Variants in SLMAP observed in about 807,000 individuals in gnomAD.
SLMAP encodes sarcolemmal membrane-associated protein.
A neutral mutation model predicts 128.8 loss-of-function variants in SLMAP; 44 were observed. That is an observed-to-expected ratio of 0.34 (90% CI 0.27 to 0.44). The LOEUF is 0.44. Among genes scored for constraint, SLMAP ranks in the 20% least tolerant of loss-of-function variants. The pLI is 1.00. For missense variants in SLMAP, 787 were observed against 985.3 expected (o/e 0.80, Z 2.69); for synonymous variants, 327 against 348.8 (o/e 0.94, Z 0.70).
chr3:57,836,353 A>T (rs1353543865), intron 3 of SLMAP, among the ~76,000 whole-genome samples: 1 of 152,194 alleles, frequency 6.6e-6, no homozygotes, highest in Non-Finnish European at 1.5e-5. Flanking sequence ...ATGTTAAAAA[A>T]TTTCAGAAAA....
chr3:57,899,192 A>G (rs1250647948), intron 17 of SLMAP: 3 of 152,212 alleles, frequency 2.0e-5, no homozygotes, highest in Non-Finnish European at 4.4e-5. Context: ...GATAATCAGG[A>G]AAAAATATTT....
At chr3:57,920,978 C>G (rs367915854) in intron 22 of SLMAP, among the ~76,000 whole-genome samples, 81 of 151,840 alleles carry the variant, frequency 5.3e-4, no homozygotes, top group Non-Finnish European at 9.7e-4. Flanking sequence ...GATCACGCCA[C>G]TGCACTCCAG....
intron 2 of SLMAP, among the ~76,000 whole-genome samples, chr3:57,759,087 A>G (rs2078120494): frequency 6.6e-6 from 1 of 152,188 alleles, no homozygotes; most frequent in African/African-American, 2.4e-5. Flanking sequence ...TTTTTAAAGA[A>G]AGGAGGAAAA....
At chr3:57,853,955 T>TATTATATA (rs1553880925) in intron 6 of SLMAP, among the ~76,000 whole-genome samples, 1 of 31,942 alleles carries the variant, frequency 3.1e-5, no homozygotes, top group Non-Finnish European at 5.2e-5. Flanking sequence ...AAAAAAAAAA[T>TATTATATA]TATATATATA....
chr3:57,825,785 A>G (rs1411081522), intron 2 of SLMAP, among the ~76,000 whole-genome samples: 4 of 152,180 alleles, frequency 2.6e-5, no homozygotes, highest in African/African-American at 9.7e-5. Flanking sequence ...CACGCTGGGA[A>G]TGCAGGCTGA....
chr3:57,903,249 A>G (rs561628162), intron 17 of SLMAP, among the ~76,000 whole-genome samples: 1 of 152,338 alleles, frequency 6.6e-6, no homozygotes, highest in Admixed American at 6.5e-5. Flanking sequence ...GCTATTTGAC[A>G]TGGCCACACG....
At chr3:57,827,945 T>G (rs1055960382) in intron 2 of SLMAP, among the ~76,000 whole-genome samples, 3 of 152,104 alleles carry the variant, frequency 2.0e-5, no homozygotes, top group Admixed American at 6.5e-5. Context: ...TTGCAAACAG[T>G]TTAACATTTA....
intron 3 of SLMAP, among the ~76,000 whole-genome samples, chr3:57,834,939 T>G (rs748566699): frequency 5.9e-5 from 9 of 151,602 alleles, no homozygotes; most frequent in Non-Finnish European, 1.2e-4. Context: ...CTGGGCAACA[T>G]GGTGAAACCC....
intron 2 of SLMAP, among the ~76,000 whole-genome samples, chr3:57,768,401 A>T (rs929367497): frequency 1.1e-4 from 16 of 152,294 alleles, no homozygotes; most frequent in African/African-American, 3.9e-4. Flanking sequence ...TTACTTATAC[A>T]AATAACAGGA....
intron 14 of SLMAP, among the ~76,000 whole-genome samples, chr3:57,883,279 G>C (rs758409878): frequency 1.9e-4 from 29 of 152,184 alleles, no homozygotes; most frequent in Non-Finnish European, 3.5e-4. Flanking sequence ...AGTCCCAGTG[G>C]TATTTCTGGG....
chr3:57,762,892 T>A (rs369743468), intron 2 of SLMAP, among the ~76,000 whole-genome samples: 4 of 151,888 alleles, frequency 2.6e-5, no homozygotes, highest in East Asian at 3.9e-4. Context: ...CCTGGCTAAT[T>A]TTTTGTATTT....
chr3:57,771,650 C>T (rs2080921188), intron 2 of SLMAP, among the ~76,000 whole-genome samples: 1 of 152,162 alleles, frequency 6.6e-6, no homozygotes, highest in Non-Finnish European at 1.5e-5. Context: ...CTTGGCCTCC[C>T]AGACTGCTGG....
At chr3:57,871,521 C>A in intron 13 of SLMAP, 115 bp from the exon 14 acceptor site, 1 of 709,344 alleles carries the variant, frequency 1.4e-6, no homozygotes. Context: ...TATATTAAGC[C>A]TTTATTAGTC....
At chr3:57,841,427 T>C (rs772841560) in intron 4 of SLMAP, 56 bp downstream of exon 4, 46 of 981,308 alleles carry the variant, frequency 4.7e-5, no homozygotes, top group Non-Finnish European at 6.6e-5. Context: ...GTAAAGAATT[T>C]AGTAATAATA....
chr3:57,852,884 A>C (rs1216930246), intron 6 of SLMAP, among the ~76,000 whole-genome samples: 3 of 152,228 alleles, frequency 2.0e-5, no homozygotes, highest in African/African-American at 7.2e-5. Flanking sequence ...CTTTGAGATA[A>C]AATTATACCA....
chr3:57,907,505 T>A (rs1410873215), intron 17 of SLMAP, among the ~76,000 whole-genome samples: 2 of 152,218 alleles, frequency 1.3e-5, no homozygotes, highest in African/African-American at 4.8e-5. Flanking sequence ...CAAGTGAAAT[T>A]TTTCTGACTG....
intron 3 of SLMAP, among the ~76,000 whole-genome samples, chr3:57,832,847 T>C (rs1431227833): frequency 6.6e-6 from 1 of 152,192 alleles, no homozygotes; most frequent in African/African-American, 2.4e-5. Context: ...GGAATTTCCA[T>C]TTACAATTGT....
At chr3:57,763,612 G>A (rs2079103115) in intron 2 of SLMAP, among the ~76,000 whole-genome samples, 1 of 151,976 alleles carries the variant, frequency 6.6e-6, no homozygotes, top group Non-Finnish European at 1.5e-5. Context: ...ATCATGATTT[G>A]TTTTAGTGAA....
chr3:57,890,819 T>C (rs1345522178), intron 15 of SLMAP: 1 of 152,242 alleles, frequency 6.6e-6, no homozygotes, highest in African/African-American at 2.4e-5. Flanking sequence ...CACAGTCCTT[T>C]TGGCCAATTA....
Sources: allele counts gnomAD v4.1 joint callset (sites outside exome capture counted in the v4.1 genomes callset), GRCh38; gene constraint gnomAD v4.1.1; transcripts MANE v1.5; gene names NCBI Gene and HGNC (gene_info 2026-07-23, HGNC 2026-07-21).